SHTN1: variants seen among roughly 807,000 people sequenced by gnomAD.
SHTN1 encodes shootin-1.
A neutral mutation model predicts 83.1 loss-of-function variants in SHTN1; 42 were observed. The ratio of observed to expected loss-of-function variants is 0.51; its 90% CI spans 0.39 to 0.65. The LOEUF (loss-of-function observed/expected upper bound fraction) is 0.65, where lower values mean the gene tolerates loss of function less well. Ranked by LOEUF, SHTN1 falls within the 30% of genes least tolerant of loss-of-function variation. The pLI, the probability that SHTN1 is intolerant of heterozygous loss-of-function variation, is 0.00. For missense variants in SHTN1, 622 were observed against 737.8 expected (o/e 0.84, Z 1.82); for synonymous variants, 224 against 247.7 (o/e 0.90, Z 0.90).
intron 1 of SHTN1, among the ~76,000 whole-genome samples, chr10:117,073,122 C>G (rs1181794231): frequency 2.0e-5 from 3 of 152,064 alleles, no homozygotes; most frequent in Admixed American, 6.6e-5. Context: ...ATTCAGAGCT[C>G]AAAGACAAGG....
chr10:116,887,512 T>TG (rs1401157558), intron 16 of SHTN1, among the ~76,000 whole-genome samples: 8 of 152,100 alleles, frequency 5.3e-5, no homozygotes, highest in Admixed American at 5.2e-4. Context: ...TCCCACCTCT[T>TG]GGTGTTCCGC....
chr10:117,021,670 T>G (rs1412443294), intron 2 of SHTN1, among the ~76,000 whole-genome samples: 1 of 152,154 alleles, frequency 6.6e-6, no homozygotes, highest in Non-Finnish European at 1.5e-5. Context: ...TCCTATGTAT[T>G]TGCCAGAGAA....
chr10:116,903,613 GA>G (rs1183525213), intron 15 of SHTN1, among the ~76,000 whole-genome samples: 1 of 152,130 alleles, frequency 6.6e-6, no homozygotes, highest in Admixed American at 6.6e-5. Context: ...GGGCAGAACA[GA>G]AAGATCAATT....
chr10:116,997,985 G>C (rs888515671), intron 1 of SHTN1, among the ~76,000 whole-genome samples: 2 of 152,096 alleles, frequency 1.3e-5, no homozygotes, highest in African/African-American at 2.4e-5. Flanking sequence ...CCAGCTACTC[G>C]GGAGGCAGAG....
At chr10:116,953,925 T>C in intron 5 of SHTN1, 117 bp downstream of exon 5, 1 of 863,962 alleles carries the variant, frequency 1.2e-6, no homozygotes, top group South Asian at 2.3e-5. Flanking sequence ...CACCACGCCC[T>C]GCCTAGGCAT....
chr10:117,034,337 T>C (rs1316891168), intron 2 of SHTN1, among the ~76,000 whole-genome samples: 1 of 152,154 alleles, frequency 6.6e-6, no homozygotes, highest in Non-Finnish European at 1.5e-5. Context: ...TCAGTAAAGT[T>C]GCAGGATACA....
At position 116,911,804 on chromosome 10, in the gene SHTN1, G is replaced by T; in HGVS notation, c.1345C>A (p.Leu449Ile). The T allele has an allele frequency of 6.2e-7, 1 of 1,612,392 alleles. No individual in the cohort carries two copies. Residue 449 changes from leucine to isoleucine, a missense_variant, in exon 14 of 17, where the codon CTA becomes ATA. Around this residue, in one of 3 missense-constraint regions of SHTN1, gnomAD observed 231 missense variants for 251.6 expected, o/e 0.92. Transcript: ENST00000355371. Reference protein sequence around the residue: ...SKGCESAVDELKGILGTLNKS... With the variant: ...SKGCESAVDEIKGILGTLNKS... The stretch of plus-strand genomic sequence containing the variant: ...TCTATTCTTACCAGTATTCCTTTTA[G>T]TTCATCCACTGCACTTTCGCAGCCT...
chr10:116,927,665 G>T, intron 11 of SHTN1, 127 bp downstream of exon 11: 1 of 1,281,490 alleles, frequency 7.8e-7, no homozygotes, highest in Non-Finnish European at 1.0e-6. Context: ...CATATCACTG[G>T]CCTTTAGAAA....
intron 1 of SHTN1, among the ~76,000 whole-genome samples, chr10:117,098,769 A>G (rs548379934): frequency 3.9e-5 from 6 of 152,286 alleles, no homozygotes; most frequent in South Asian, 2.1e-4. Context: ...ATCAGTATCT[A>G]CATTCCTGAG....
rs1852669485 is a variant in SHTN1 at position 117,046,791 on chromosome 10, A to T, written c.-123+1654T>A. Among the ~76,000 whole-genome samples the T allele has an allele frequency of 1.3e-5, 2 of 152,162 alleles. 1 individual carries two copies. The highest frequency in any genetic ancestry group is 4.1e-4 in the South Asian group (2 of 4,824). On this transcript the variant is annotated intron_variant, in intron 2 of 17. Coordinates refer to the SHTN1 transcript ENST00000392901. ...ATTCCATTTACATAAAATGTCCAAA[A>T]TAGGACAGTCCATAGAGACAATAAT... is the stretch of plus-strand genomic sequence containing the variant.
intron 1 of SHTN1, among the ~76,000 whole-genome samples, chr10:117,004,214 G>A (rs1420530964): frequency 1.3e-5 from 2 of 152,050 alleles, no homozygotes; most frequent in Non-Finnish European, 2.9e-5. Flanking sequence ...ACCCACATTC[G>A]CAGACCACCC....
chr10:116,991,972 T>C (rs1366645515), intron 1 of SHTN1, among the ~76,000 whole-genome samples: 2 of 151,920 alleles, frequency 1.3e-5, no homozygotes, highest in African/African-American at 4.8e-5. Context: ...TGAAACCCTG[T>C]CTCTACAAAA....
At chr10:117,075,879 A>G (rs1160613354) in intron 1 of SHTN1, among the ~76,000 whole-genome samples, 1 of 152,124 alleles carries the variant, frequency 6.6e-6, no homozygotes, top group Non-Finnish European at 1.5e-5. Context: ...GATGATTTGT[A>G]TTTTAGAAAG....
chr10:117,068,021 T>C (rs931331981), intron 1 of SHTN1, among the ~76,000 whole-genome samples: 8 of 152,014 alleles, frequency 5.3e-5, no homozygotes, highest in African/African-American at 1.4e-4. Context: ...AGTGGAGCTA[T>C]GAGAGGTGAG....
At chr10:117,034,041 C>T (rs1056636180) in intron 2 of SHTN1, among the ~76,000 whole-genome samples, 1 of 151,236 alleles carries the variant, frequency 6.6e-6, no homozygotes, top group African/African-American at 2.4e-5. Context: ...TAATAAAAGC[C>T]ATATGTGACT....
intron 16 of SHTN1, among the ~76,000 whole-genome samples, chr10:116,893,432 A>C (rs1363005319): frequency 6.6e-6 from 1 of 152,106 alleles, no homozygotes; most frequent in Non-Finnish European, 1.5e-5. Context: ...AGCAGAGCAA[A>C]TCCTTTAATT....
upstream of SHTN1, chr10:117,005,249 C>T (rs964204124): frequency 7.3e-5 from 108 of 1,470,952 alleles, no homozygotes; most frequent in Non-Finnish European, 9.3e-5. Flanking sequence ...GAGATCATCC[C>T]CACGCACCTA....
chr10:116,978,706 G>A (rs1391107961), intron 2 of SHTN1, among the ~76,000 whole-genome samples: 3 of 152,042 alleles, frequency 2.0e-5, no homozygotes, highest in African/African-American at 7.2e-5. Context: ...TTATTTAACA[G>A]TTAAAACAAA....
intron 5 of SHTN1, among the ~76,000 whole-genome samples, chr10:116,952,812 T>C (rs1411718116): frequency 6.6e-6 from 1 of 152,206 alleles, no homozygotes; most frequent in East Asian, 1.9e-4. Flanking sequence ...AAAGAATATG[T>C]TATGTGGTTA....
Sources: gnomAD v4.1 joint callset for allele counts (sites outside exome capture counted in the v4.1 genomes callset) on GRCh38, gnomAD v4.1.1 for gene constraint, gnomAD v4.1.1 regional missense constraint, MANE v1.5 for transcripts, NCBI Gene and HGNC (gene_info 2026-07-23, HGNC 2026-07-21) for gene names.